The following SEMA3E variants were observed in gnomAD, a reference collection of about 807,000 sequenced individuals.
The protein encoded by SEMA3E is semaphorin 3E, also known as semaphorin-3E.
A neutral mutation model predicts 93.6 loss-of-function variants in SEMA3E; 49 were observed. That is an observed-to-expected ratio of 0.52 (90% CI 0.42 to 0.66). The LOEUF is 0.66. Ranked by LOEUF, SEMA3E falls within the 30% of genes least tolerant of loss-of-function variation. The probability of loss-of-function intolerance (pLI) is 0.00; values close to 1 mark genes in which losing one functional copy is unlikely to be tolerated. For synonymous variants in SEMA3E, 363 were observed against 330.7 expected, an observed-to-expected ratio of 1.10 and a Z score of -1.06; for missense variants, 906 against 964.8, an observed-to-expected ratio of 0.94 and a Z score of 0.81.
At chr7:83,544,298 A>G (rs185303515) in intron 1 of SEMA3E, among the ~76,000 whole-genome samples, 2 of 152,246 alleles carry the variant, frequency 1.3e-5, no homozygotes, top group East Asian at 3.9e-4. Flanking sequence ...GCTTGAACAA[A>G]TCCATTATAT....
intron 1 of SEMA3E, among the ~76,000 whole-genome samples, chr7:83,511,283 A>G (rs1790812130): frequency 9.4e-6 from 1 of 106,834 alleles, no homozygotes; most frequent in Non-Finnish European, 2.0e-5. Context: ...AGTCTTAAAT[A>G]TGTTTTTTTT....
At chr7:83,566,337 C>A (rs1321769839) in intron 1 of SEMA3E, among the ~76,000 whole-genome samples, 4 of 152,098 alleles carry the variant, frequency 2.6e-5, no homozygotes, top group South Asian at 2.1e-4. Flanking sequence ...CTAAACATAT[C>A]AAACTCTTTT....
At chr7:83,523,231 T>G (rs896958616) in intron 1 of SEMA3E, among the ~76,000 whole-genome samples, 1 of 152,094 alleles carries the variant, frequency 6.6e-6, no homozygotes, top group South Asian at 2.1e-4. Flanking sequence ...GAGGTTTGCC[T>G]TCCATCTTCC....
At chr7:83,646,400 C>G (rs2115727078) in intron 1 of SEMA3E, among the ~76,000 whole-genome samples, 1 of 152,110 alleles carries the variant, frequency 6.6e-6, no homozygotes, top group East Asian at 1.9e-4. Flanking sequence ...CACTGAGGCC[C>G]CTGAGGTGCA....
At chr7:83,551,237 G>A (rs1791758472) in intron 1 of SEMA3E, among the ~76,000 whole-genome samples, 1 of 152,166 alleles carries the variant, frequency 6.6e-6, no homozygotes. Context: ...CAGCCTAAAT[G>A]TTCATCGAAA....
chr7:83,468,803 A>G (rs2723012), intron 3 of SEMA3E, among the ~76,000 whole-genome samples: 66,948 of 151,944 alleles, frequency 0.44, 16,179 homozygotes, highest in East Asian at 0.66. Flanking sequence ...CCCTAAAAAT[A>G]TTTAGGAATA....
chr7:83,388,669 A>G (rs957151729), intron 14 of SEMA3E, among the ~76,000 whole-genome samples: 2 of 152,056 alleles, frequency 1.3e-5, no homozygotes, highest in Non-Finnish European at 2.9e-5. Flanking sequence ...TGAAATTTGG[A>G]AAAGTGAACC....
At chr7:83,386,861 T>G in intron 15 of SEMA3E, 122 bp downstream of exon 15, 1 of 885,430 alleles carries the variant, frequency 1.1e-6, no homozygotes, top group Non-Finnish European at 1.8e-6. Context: ...AAAAGAATAC[T>G]TATTACATTG....
At chr7:83,461,110 C>A (rs1789607201) in intron 4 of SEMA3E, among the ~76,000 whole-genome samples, 1 of 152,162 alleles carries the variant, frequency 6.6e-6, no homozygotes, top group South Asian at 2.1e-4. Context: ...ATTTTTCCAT[C>A]CTGCCAGATC....
chr7:83,510,492 A>C (rs1790795372), intron 1 of SEMA3E, among the ~76,000 whole-genome samples: 1 of 152,160 alleles, frequency 6.6e-6, no homozygotes, highest in Admixed American at 6.5e-5. Context: ...ATCCCAGTAG[A>C]TATATACTAA....
chr7:83,636,695 G>A (rs538808705), intron 1 of SEMA3E, among the ~76,000 whole-genome samples: 2 of 152,252 alleles, frequency 1.3e-5, no homozygotes, highest in African/African-American at 4.8e-5. Flanking sequence ...TGTGATACTA[G>A]TGTGTGTGGT....
At chr7:83,606,692 G>A (rs1477301739) in intron 1 of SEMA3E, among the ~76,000 whole-genome samples, 1 of 145,644 alleles carries the variant, frequency 6.9e-6, no homozygotes, top group East Asian at 2.0e-4. Flanking sequence ...CAGCACACCA[G>A]CATGGCACAT....
intron 4 of SEMA3E, 50 bp from the exon 5 acceptor site, chr7:83,418,533 C>T (rs1788604684): frequency 8.2e-7 from 1 of 1,220,738 alleles, no homozygotes; most frequent in Non-Finnish European, 1.2e-6. Context: ...CTCTAATAAT[C>T]ATTTAATTCC....
At chr7:83,381,768 G>T (rs1231224059) in intron 16 of SEMA3E, among the ~76,000 whole-genome samples, 1 of 151,902 alleles carries the variant, frequency 6.6e-6, no homozygotes, top group African/African-American at 2.4e-5. Flanking sequence ...CTCAAATGGT[G>T]GCTCACATTT....
At chr7:83,408,247 C>A in intron 6 of SEMA3E, 121 bp downstream of exon 6, 1 of 1,137,246 alleles carries the variant, frequency 8.8e-7, no homozygotes, top group South Asian at 1.4e-5. Flanking sequence ...GCTAGTAAAA[C>A]ATTCTGAAAT....
At chr7:83,629,157 A>G (rs556493573) in intron 1 of SEMA3E, among the ~76,000 whole-genome samples, 29 of 152,242 alleles carry the variant, frequency 1.9e-4, no homozygotes, top group African/African-American at 7.0e-4. Flanking sequence ...AGCAAAGATT[A>G]CTGCCTGCTC....
At chr7:83,514,214 C>A (rs1790882914) in intron 1 of SEMA3E, among the ~76,000 whole-genome samples, 1 of 152,062 alleles carries the variant, frequency 6.6e-6, no homozygotes, top group Non-Finnish European at 1.5e-5. Flanking sequence ...CCTTGTTTAG[C>A]ATATCATCAT....
chr7:83,387,979 T>C (rs1156835489), intron 14 of SEMA3E, among the ~76,000 whole-genome samples: 1 of 146,538 alleles, frequency 6.8e-6, no homozygotes, highest in East Asian at 1.9e-4. Context: ...AATTCAAGAA[T>C]ATATATATTA....
intron 2 of SEMA3E, among the ~76,000 whole-genome samples, chr7:83,475,603 C>T (rs975243714): frequency 7.2e-5 from 11 of 152,048 alleles, no homozygotes; most frequent in African/African-American, 2.7e-4. Context: ...CCTGCAGGAC[C>T]GGAGGGGCAA....
Sources: allele counts gnomAD v4.1 joint callset (sites outside exome capture counted in the v4.1 genomes callset), GRCh38; gene constraint gnomAD v4.1.1; transcripts MANE v1.5; gene names NCBI Gene and HGNC (gene_info 2026-07-23, HGNC 2026-07-21).